Variants in SGCD observed in about 807,000 individuals in gnomAD.
The protein encoded by SGCD is sarcoglycan delta, also known as delta-sarcoglycan.
SGCD carries 18 observed loss-of-function variants against 36.6 expected under a neutral mutation model. That is an observed-to-expected ratio of 0.49 (90% confidence interval 0.34 to 0.73). The LOEUF (loss-of-function observed/expected upper bound fraction) is 0.73, where lower values mean the gene tolerates loss of function less well. Ranked by LOEUF, SGCD falls within the 30% of genes least tolerant of loss-of-function variation. The pLI is 0.01. For synonymous variants in SGCD, 133 were observed against 130.6 expected, an observed-to-expected ratio of 1.02 and a Z score of -0.12; for missense variants, 387 against 346.7, an observed-to-expected ratio of 1.12 and a Z score of -0.92.
intron 3 of SGCD, among the ~76,000 whole-genome samples, chr5:156,152,571 C>A (rs1489669834): frequency 1.3e-5 from 2 of 151,640 alleles, no homozygotes; most frequent in Non-Finnish European, 2.9e-5. Context: ...ATTTTAACAA[C>A]TTTATTGAGA....
rs566561192 is a variant in SGCD at position 156,635,214 on chromosome 5, C to A, written c.503-12250C>A. On this transcript the variant is annotated intron_variant, in intron 6 of 8. Transcript: ENST00000337851. ...ACTCAGCCTGGATGACAGACCAAGA[C>A]CTTGGCCCTAAAAGTTTTTTTAAAA... is the stretch of plus-strand genomic sequence containing the variant. Among the ~76,000 whole-genome samples, 79 of 152,084 alleles carry A rather than the reference C, an allele frequency of 5.2e-4. 1 individual carries two copies. The highest frequency in any genetic ancestry group is 9.6e-4 in the Non-Finnish European group (65 of 68,014).
chr5:156,080,942 C>A (rs112998811), intron 1 of SGCD, among the ~76,000 whole-genome samples: 1 of 152,164 alleles, frequency 6.6e-6, no homozygotes, highest in Non-Finnish European at 1.5e-5. Flanking sequence ...AATAGCAATA[C>A]CATACTCCTG....
At chr5:156,033,135 A>T (rs1759396068) in intron 1 of SGCD, among the ~76,000 whole-genome samples, 1 of 151,992 alleles carries the variant, frequency 6.6e-6, no homozygotes, top group South Asian at 2.1e-4. Flanking sequence ...AAGAAGCTCA[A>T]ATTTGTCTGT....
At chr5:155,785,655 T>A in the SGCD span, among the ~76,000 whole-genome samples, 1 of 152,192 alleles carries the variant, frequency 6.6e-6, no homozygotes, top group Non-Finnish European at 1.5e-5. Context: ...TAAAGGTAAA[T>A]TTTAAAATAT....
chr5:156,487,744 C>T (rs185421298), intron 3 of SGCD, among the ~76,000 whole-genome samples: 3 of 132,698 alleles, frequency 2.3e-5, no homozygotes, highest in East Asian at 2.3e-4. Context: ...GCCGAGATTG[C>T]ACCACTGCAC....
chr5:156,110,396 TTTAAC>T (rs1425761234), intron 1 of SGCD, among the ~76,000 whole-genome samples: 5 of 152,210 alleles, frequency 3.3e-5, no homozygotes, highest in South Asian at 2.1e-4. Context: ...AGATTTCTAC[TTTAAC>T]TTATTTGTAT....
intron 6 of SGCD, among the ~76,000 whole-genome samples, chr5:156,638,186 G>C (rs42685): frequency 0.31 from 47,041 of 150,912 alleles, 8,765 homozygotes; most frequent in African/African-American, 0.53. Flanking sequence ...CTTGATTGCT[G>C]TCACACTGTG....
chr5:155,744,754 G>A, the SGCD span, among the ~76,000 whole-genome samples: 1 of 152,124 alleles, frequency 6.6e-6, no homozygotes, highest in Non-Finnish European at 1.5e-5. Flanking sequence ...GAGACAGAAA[G>A]GATAAACTGA....
chr5:156,226,469 G>A (rs943616502), intron 3 of SGCD, among the ~76,000 whole-genome samples: 5 of 152,170 alleles, frequency 3.3e-5, no homozygotes, highest in African/African-American at 1.2e-4. Context: ...TACATTGATT[G>A]ATGGGCATTT....
chr5:155,816,038 C>T, the SGCD span, among the ~76,000 whole-genome samples: 2 of 152,180 alleles, frequency 1.3e-5, no homozygotes, highest in Non-Finnish European at 2.9e-5. Flanking sequence ...AACCATTGTA[C>T]TAGGCTCAAC....
chr5:155,748,282 C>T, the SGCD span, among the ~76,000 whole-genome samples: 27 of 152,010 alleles, frequency 1.8e-4, no homozygotes, highest in East Asian at 4.3e-3. Flanking sequence ...ATTTTTGCTT[C>T]TGATTGACTC....
chr5:156,637,312 G>A (rs1000490261), intron 6 of SGCD, among the ~76,000 whole-genome samples: 8 of 152,100 alleles, frequency 5.3e-5, no homozygotes, highest in Non-Finnish European at 1.0e-4. Context: ...TAAATTACCC[G>A]ATCTTGGGTA....
At chr5:156,435,112 C>T (rs928694613) in intron 3 of SGCD, among the ~76,000 whole-genome samples, 3 of 152,126 alleles carry the variant, frequency 2.0e-5, no homozygotes, top group East Asian at 1.9e-4. Flanking sequence ...TTAATTAATT[C>T]CTGTAGAAAT....
At chr5:155,933,434 G>A (rs1462694302) in intron 1 of SGCD, among the ~76,000 whole-genome samples, 1 of 152,156 alleles carries the variant, frequency 6.6e-6, no homozygotes, top group African/African-American at 2.4e-5. Context: ...AGACAAATGT[G>A]GAGATAACTC....
chr5:156,135,103 A>G (rs756274562), intron 3 of SGCD, among the ~76,000 whole-genome samples: 2 of 152,200 alleles, frequency 1.3e-5, no homozygotes, highest in Non-Finnish European at 2.9e-5. Context: ...GTAAGTACTC[A>G]ATAGATATGG....
chr5:156,035,866 A>T (rs951660417), intron 1 of SGCD, among the ~76,000 whole-genome samples: 1 of 152,224 alleles, frequency 6.6e-6, no homozygotes, highest in African/African-American at 2.4e-5. Context: ...TGAGCAAAGT[A>T]TCAAAATGGT....
rs1157545618 is a variant in SGCD at position 156,448,715 on chromosome 5, G to GTTTCTT, written c.193-59870_193-59865dup. Among the ~76,000 whole-genome samples, 255 of 123,564 alleles carry GTTTCTT rather than the reference G, an allele frequency of 2.1e-3. 2 individuals carry two copies. Among genetic ancestry groups the GTTTCTT allele is most frequent in the African/African-American group, 3.6e-3 (117 of 32,504 alleles). The allele number at this position is 123,564 out of a possible 152,430, so 81.1% of individuals were successfully genotyped here. A position where few individuals can be genotyped will look rare whatever the true frequency, so the allele number is the denominator to read the frequency against. ...ATGGGTTGCTTAAAGGGTGGGAGAA[G>GTTTCTT]TTTCTTTTTCTTTTTCTTTTTTTTT... On this transcript the variant is annotated intron_variant, in intron 3 of 8. Transcript: ENST00000337851.
At chr5:156,406,108 T>C (rs548309084) in intron 3 of SGCD, among the ~76,000 whole-genome samples, 1 of 151,078 alleles carries the variant, frequency 6.6e-6, no homozygotes, top group Non-Finnish European at 1.5e-5. Flanking sequence ...CATTAAAGAT[T>C]GAATGACTGT....
intron 3 of SGCD, among the ~76,000 whole-genome samples, chr5:156,388,571 G>T (rs1771400875): frequency 6.6e-6 from 1 of 152,174 alleles, no homozygotes. Context: ...ACTGATTTTG[G>T]ATTTGGCAGT....
Sources: gnomAD v4.1 joint callset for allele counts (sites outside exome capture counted in the v4.1 genomes callset) on GRCh38, gnomAD v4.1.1 for gene constraint, MANE v1.5 for transcripts, NCBI Gene and HGNC (gene_info 2026-07-23, HGNC 2026-07-21) for gene names.